Variants in FBN1 observed in about 807,000 individuals in gnomAD.
FBN1 encodes the protein fibrillin 1, also known as fibrillin-1.
A neutral mutation model predicts 365.1 loss-of-function variants in FBN1; 29 were observed. The ratio of observed to expected loss-of-function variants is 0.08; its 90% CI spans 0.06 to 0.11. The LOEUF (loss-of-function observed/expected upper bound fraction) is 0.11. FBN1 is among the 10% of genes least tolerant of loss of function. FBN1 has a pLI of 1.00. For synonymous variants in FBN1, 1,210 were observed against 1,270.5 expected (o/e 0.95, Z 1.01); for missense variants, 2,476 against 3,703.2 (o/e 0.67, Z 8.60).
chr15:48,463,051 T>C, intron 42 of FBN1, 31 bp downstream of exon 42: 1 of 1,606,984 alleles, frequency 6.2e-7, no homozygotes, highest in South Asian at 1.1e-5. Flanking sequence ...TTTCAACCTA[T>C]ATTTTTGATA....
At chr15:48,623,997 G>A (rs74014652) in intron 2 of FBN1, among the ~76,000 whole-genome samples, 10 of 110,806 alleles carry the variant, frequency 9.0e-5, no homozygotes, top group Middle Eastern at 5.8e-3. Flanking sequence ...ACACACACAC[G>A]CACAGCCTAA....
chr15:48,565,041 A>T (rs1399252274), intron 6 of FBN1, among the ~76,000 whole-genome samples: 1 of 152,178 alleles, frequency 6.6e-6, no homozygotes, highest in Non-Finnish European at 1.5e-5. Context: ...GCATAAAATG[A>T]TTACCACTTT....
intron 4 of FBN1, among the ~76,000 whole-genome samples, chr15:48,609,577 C>T (rs146517178): frequency 2.0e-5 from 3 of 152,350 alleles, no homozygotes; most frequent in Admixed American, 6.5e-5. Flanking sequence ...GAGTGAACCT[C>T]ATGGTTATCC....
chr15:48,518,826 C>T (rs1223896229), intron 10 of FBN1, among the ~76,000 whole-genome samples: 1 of 152,176 alleles, frequency 6.6e-6, no homozygotes, highest in Admixed American at 6.5e-5. Flanking sequence ...TCTGTAGCAC[C>T]AGTACTGGAA....
At chr15:48,641,159 G>T (rs1199836666) in intron 2 of FBN1, 2 of 152,094 alleles carry the variant, frequency 1.3e-5, no homozygotes, top group Non-Finnish European at 2.9e-5. Flanking sequence ...GGACCACACT[G>T]ATTCCATTTT....
intron 9 of FBN1, 103 bp downstream of exon 9, chr15:48,526,027 C>G: frequency 1.4e-6 from 2 of 1,450,598 alleles, no homozygotes; most frequent in Non-Finnish European, 1.9e-6. Flanking sequence ...CATTTTACCT[C>G]AGTTGATAAA....
rs140774961 is a variant in FBN1, at chr15:48,491,631, G to A, written c.2854+830C>T. On this transcript the variant is annotated intron_variant, in intron 24 of 65. Transcript: ENST00000316623. ...CTCCCGAAGTGCTGGGATTACAGGCGTGAGCCATCGCACCCGGCCCACTTT... is the reference window on the plus strand; with the variant it reads ...CTCCCGAAGTGCTGGGATTACAGGCATGAGCCATCGCACCCGGCCCACTTT... 5.9e-5 allele frequency among the ~76,000 whole-genome samples: 9 copies of A among 151,946 alleles called. No homozygotes were observed. In the South Asian group the frequency reaches 6.3e-4, roughly 11 times the overall value.
intron 42 of FBN1, among the ~76,000 whole-genome samples, chr15:48,462,074 A>G (rs2043283515): frequency 6.6e-6 from 1 of 152,216 alleles, no homozygotes; most frequent in South Asian, 2.1e-4. Flanking sequence ...TAAACAATGG[A>G]TGGAATAATA....
rs1283600718 is a variant in FBN1 at position 48,409,619 on chromosome 15, C to T, written c.*1371G>A. 1 of 152,016 alleles carries T rather than the reference C, an allele frequency of 6.6e-6. No homozygotes were observed. Among genetic ancestry groups the T allele is most frequent in the Non-Finnish European group, 1.5e-5 (1 of 68,018 alleles). The allele number at this position is 152,016 out of a possible 1,614,324, so 9.4% of individuals were successfully genotyped here. On this transcript the variant is annotated 3_prime_UTR_variant, in exon 66 of 66. Transcript: ENST00000316623. Reference sequence around the variant, plus strand: ...GCAATTGGATACAGTCTGGGATTATCCCTTTGTAATTAGATGAGCATTGAC... The same window carrying T: ...GCAATTGGATACAGTCTGGGATTATTCCTTTGTAATTAGATGAGCATTGAC...
At chr15:48,452,367 A>T (rs2043207839) in intron 45 of FBN1, among the ~76,000 whole-genome samples, 195 bp downstream of exon 45, 1 of 152,234 alleles carries the variant, frequency 6.6e-6, no homozygotes, top group African/African-American at 2.4e-5. Flanking sequence ...ATCCAGAAAG[A>T]GGATTAAAAA....
Position 48,463,946 on chromosome 15 carries a change from A to T in FBN1, c.5018T>A (p.Ile1673Asn), listed in dbSNP as rs2043300504. The T allele has an allele frequency of 6.2e-7, 1 of 1,613,976 alleles. No individual in the cohort carries two copies. Reference sequence around the variant, plus strand: ...CACTTGCATGTAGTCTGGAGGACAGATACAGGTGTAGTTGCCAACGGTGTT... The same window carrying T: ...CACTTGCATGTAGTCTGGAGGACAGTTACAGGTGTAGTTGCCAACGGTGTT... ...CYNTVGNYTC[I>N]CPPDYMQVNG... The change falls in exon 41 of 66, where the codon ATC (isoleucine) becomes AAC (asparagine). Residue 1673 changes from isoleucine (I) to asparagine (N), a missense_variant. By Grantham distance (149) the Ile-to-Asn change is moderately radical. Coordinates refer to ENST00000316623, the MANE Select transcript of FBN1 (RefSeq NM_000138.5).
chr15:48,560,036 C>G (rs1307022561), intron 6 of FBN1, among the ~76,000 whole-genome samples: 1 of 152,108 alleles, frequency 6.6e-6, no homozygotes, highest in African/African-American at 2.4e-5. Context: ...AATTCATGGG[C>G]CTCCTTTACT....
At chr15:48,434,776 A>G (rs1284409519) in intron 53 of FBN1, 63 bp from the exon 54 acceptor site, 2 of 1,590,684 alleles carry the variant, frequency 1.3e-6, no homozygotes, top group Non-Finnish European at 1.7e-6. Context: ...TTATTCTATC[A>G]GAGGATTTTA....
rs756687172 is a variant in FBN1, at chr15:48,526,172, G to C, written c.946C>G (p.Pro316Ala). Residue 316 changes from proline to alanine, a missense_variant, in exon 9 of 66, where the codon CCC becomes GCC. By Grantham distance (27) the Pro-to-Ala change is conservative. Around this residue, in one of 5 missense-constraint regions of FBN1, gnomAD observed 421 missense variants for 520.1 expected, o/e 0.81. Coordinates refer to ENST00000316623, the MANE Select transcript of FBN1 (RefSeq NM_000138.5). ...TCTGGAGAGGTGTAAAAACCAGGGG[G>C]ACATTTGCAAAAGTAACTGCTGACT... ...NTVSSYFCKC[P>A]PGFYTSPDGT... is the part of the protein sequence containing the mutation. 6.2e-7 allele frequency: 1 copy of C among 1,614,060 alleles called. No homozygotes were observed. The highest frequency in any genetic ancestry group is 8.5e-7 in the Non-Finnish European group (1 of 1,179,974).
intron 60 of FBN1, among the ~76,000 whole-genome samples, chr15:48,423,207 CTTTAT>C (rs1011928716): frequency 5.5e-4 from 84 of 152,292 alleles, no homozygotes; most frequent in Middle Eastern, 3.4e-3. Context: ...ACATTAGTGA[CTTTAT>C]TTTATCACAA....
At chr15:48,468,617 G>GT in intron 36 of FBN1, 83 bp from the exon 37 acceptor site, 1 of 1,469,062 alleles carries the variant, frequency 6.8e-7, no homozygotes, top group Non-Finnish European at 9.5e-7. Context: ...GCCCAATCTA[G>GT]AGCTCCAAAC....
intron 6 of FBN1, among the ~76,000 whole-genome samples, chr15:48,573,210 T>G (rs2044319125): frequency 6.6e-6 from 1 of 152,212 alleles, no homozygotes; most frequent in Non-Finnish European, 1.5e-5. Flanking sequence ...TTTGCAAGTT[T>G]GTGTTTTTCC....
chr15:48,456,921 A>G (rs1311535054), intron 43 of FBN1, among the ~76,000 whole-genome samples, 159 bp from the exon 44 acceptor site: 7 of 151,952 alleles, frequency 4.6e-5, no homozygotes, highest in Non-Finnish European at 1.0e-4. Flanking sequence ...ATCAACGAAT[A>G]GCAAATTGAG....
At chr15:48,476,585 T>C (rs1242346800) in intron 32 of FBN1, among the ~76,000 whole-genome samples, 1 of 151,166 alleles carries the variant, frequency 6.6e-6, no homozygotes, top group African/African-American at 2.4e-5. Flanking sequence ...GCTGCCTAGC[T>C]GAGCTTCTTT....
Sources: gnomAD v4.1 joint callset for allele counts (sites outside exome capture counted in the v4.1 genomes callset) on GRCh38, gnomAD v4.1.1 for gene constraint, gnomAD v4.1.1 regional missense constraint, MANE v1.5 for transcripts, NCBI Gene and HGNC (gene_info 2026-07-23, HGNC 2026-07-21) for gene names.